Variants in CTNNA3 observed in about 807,000 individuals in gnomAD.
CTNNA3 encodes catenin alpha 3.
In CTNNA3, 76 loss-of-function variants were observed where a neutral mutation model predicts 95.7. The ratio of observed to expected loss-of-function variants is 0.79; its 90% CI spans 0.66 to 0.96. The LOEUF is 0.96. Among genes scored for constraint, CTNNA3 ranks in the 40% least tolerant of loss-of-function variants. The pLI, the probability that CTNNA3 is intolerant of heterozygous loss-of-function variation, is 0.00. For synonymous variants in CTNNA3, 431 were observed against 374.4 expected (o/e 1.15, Z -1.74); for missense variants, 1,191 against 1,089.8 (o/e 1.09, Z -1.31).
At chr10:67,109,582 C>T (rs1858812748) in intron 7 of CTNNA3, among the ~76,000 whole-genome samples, 1 of 152,168 alleles carries the variant, frequency 6.6e-6, no homozygotes, top group South Asian at 2.1e-4. Flanking sequence ...TGGTAGCTCA[C>T]GCCTGTAATC....
At chr10:66,930,239 T>C (rs955704113) in intron 7 of CTNNA3, among the ~76,000 whole-genome samples, 1 of 152,170 alleles carries the variant, frequency 6.6e-6, no homozygotes, top group Admixed American at 6.5e-5. Flanking sequence ...TTACAATAGA[T>C]GCCACTTCAG....
intron 15 of CTNNA3, among the ~76,000 whole-genome samples, chr10:66,068,331 T>C (rs939626028): frequency 2.0e-5 from 3 of 152,166 alleles, no homozygotes; most frequent in Admixed American, 6.6e-5. Flanking sequence ...CAGTTATCCA[T>C]TTACATTTCA....
chr10:65,972,417 T>C (rs985851143), intron 16 of CTNNA3, among the ~76,000 whole-genome samples: 7 of 152,284 alleles, frequency 4.6e-5, no homozygotes. Flanking sequence ...GCTGTTGATA[T>C]GATTTTATAC....
rs570341594 is a variant in CTNNA3 at position 67,123,051 on chromosome 10, A to G, written c.1047+57266T>C. 5.3e-5 allele frequency among the ~76,000 whole-genome samples: 8 copies of G among 152,278 alleles called. 1 individual carries two copies. In the South Asian group the frequency reaches 1.7e-3, roughly 32 times the overall value. On this transcript the variant is annotated intron_variant, in intron 7 of 17. Coordinates refer to ENST00000433211, the MANE Select transcript of CTNNA3 (RefSeq NM_013266.4). ...CTAATTTCAACCCCAAATCCATACT[A>G]TTAAATACAATTTGGAAAGGCTCAG...
intron 10 of CTNNA3, among the ~76,000 whole-genome samples, chr10:66,564,430 G>A (rs1028233041): frequency 1.2e-4 from 19 of 152,086 alleles, no homozygotes; most frequent in African/African-American, 3.4e-4. Context: ...TCATGGGCCC[G>A]CTTCATCCAG....
intron 5 of CTNNA3, among the ~76,000 whole-genome samples, chr10:67,435,091 T>G (rs114782826): frequency 0.016 from 2,461 of 152,112 alleles, 71 homozygotes; most frequent in African/African-American, 0.056. Context: ...TATTCAAATG[T>G]TCCTAGCTTT....
intron 5 of CTNNA3, among the ~76,000 whole-genome samples, chr10:67,235,951 C>G (rs1269885933): frequency 6.8e-6 from 1 of 147,170 alleles, no homozygotes; most frequent in Non-Finnish European, 1.5e-5. Flanking sequence ...CAAATCAAAA[C>G]CACAATGAGA....
At chr10:66,393,142 G>T (rs1044899905) in intron 11 of CTNNA3, among the ~76,000 whole-genome samples, 1 of 152,056 alleles carries the variant, frequency 6.6e-6, no homozygotes, top group African/African-American at 2.4e-5. Flanking sequence ...AATCTGAAAG[G>T]CTACATACTG....
At chr10:66,339,185 G>A (rs187359040) in intron 12 of CTNNA3, among the ~76,000 whole-genome samples, 11 of 151,908 alleles carry the variant, frequency 7.2e-5, no homozygotes, top group East Asian at 5.8e-4. Flanking sequence ...CATGGTAAGC[G>A]ATTATTTAAA....
intron 11 of CTNNA3, among the ~76,000 whole-genome samples, chr10:66,398,661 A>T (rs1341269420): frequency 6.6e-6 from 1 of 150,568 alleles, no homozygotes; most frequent in African/African-American, 2.4e-5. Flanking sequence ...AACATGAAAC[A>T]GAACACTTTT....
intron 16 of CTNNA3, among the ~76,000 whole-genome samples, chr10:65,973,213 A>C (rs1564550519): frequency 6.6e-6 from 1 of 152,214 alleles, no homozygotes; most frequent in African/African-American, 2.4e-5. Flanking sequence ...ACATGAATTA[A>C]AGATTTAAAT....
intron 11 of CTNNA3, among the ~76,000 whole-genome samples, chr10:66,515,345 C>A (rs7091178): frequency 0.18 from 26,382 of 148,852 alleles, 2,476 homozygotes; most frequent in African/African-American, 0.19. Context: ...CTCTCTCTCT[C>A]TATATATATA....
intron 10 of CTNNA3, among the ~76,000 whole-genome samples, chr10:66,573,073 C>T (rs1842916407): frequency 1.3e-5 from 2 of 152,122 alleles, no homozygotes; most frequent in African/African-American, 4.8e-5. Flanking sequence ...AACAGTGCAT[C>T]TAGGGGAAAT....
chr10:67,438,635 G>C (rs1178969883), intron 5 of CTNNA3, among the ~76,000 whole-genome samples: 1 of 152,164 alleles, frequency 6.6e-6, no homozygotes, highest in African/African-American at 2.4e-5. Context: ...GCTGAAAGAA[G>C]CACTGAAGAG....
chr10:67,360,167 T>C (rs1419721144), intron 5 of CTNNA3, among the ~76,000 whole-genome samples: 2 of 151,984 alleles, frequency 1.3e-5, no homozygotes, highest in African/African-American at 2.4e-5. Context: ...AGGGAATTTA[T>C]TACCACTAGC....
chr10:66,538,690 G>A (rs919431801), intron 10 of CTNNA3, among the ~76,000 whole-genome samples: 1 of 152,130 alleles, frequency 6.6e-6, no homozygotes, highest in Non-Finnish European at 1.5e-5. Context: ...ACCATTGAAA[G>A]CATGAGAAAA....
chr10:66,844,204 T>C (rs1843170541), intron 7 of CTNNA3, among the ~76,000 whole-genome samples: 1 of 152,226 alleles, frequency 6.6e-6, no homozygotes, highest in Admixed American at 6.5e-5. Flanking sequence ...CTTTCTTAAA[T>C]CCGAATGACT....
chr10:67,086,950 A>AT (rs1857346094), intron 7 of CTNNA3, among the ~76,000 whole-genome samples: 1 of 152,008 alleles, frequency 6.6e-6, no homozygotes, highest in South Asian at 2.1e-4. Context: ...TTCCAAGGGG[A>AT]TTAAAAAAAG....
chr10:66,693,934 C>T (rs1847658074), intron 9 of CTNNA3, among the ~76,000 whole-genome samples: 1 of 151,850 alleles, frequency 6.6e-6, no homozygotes, highest in Non-Finnish European at 1.5e-5. Flanking sequence ...ACACAACATA[C>T]CAGAATCTCT....
Sources: allele counts gnomAD v4.1 joint callset (sites outside exome capture counted in the v4.1 genomes callset), GRCh38; gene constraint gnomAD v4.1.1; transcripts MANE v1.5; gene names NCBI Gene and HGNC (gene_info 2026-07-23, HGNC 2026-07-21).